The following ZNF223 variants were observed in gnomAD, a reference collection of about 807,000 sequenced individuals.
The protein encoded by ZNF223 is Homo sapiens zinc finger protein 223.
A neutral mutation model predicts 12.3 loss-of-function variants in ZNF223; 9 were observed. That is an observed-to-expected ratio of 0.73 (90% confidence interval 0.44 to 1.28). The LOEUF (loss-of-function observed/expected upper bound fraction) is 1.28. ZNF223 is among the 50% of genes most tolerant of loss of function. The pLI is 0.00. For synonymous variants in ZNF223, 171 were observed against 195.2 expected (o/e 0.88, Z 1.03); for missense variants, 506 against 579.0 (o/e 0.87, Z 1.29).
rs758726370 is a variant in ZNF223 at position 44,067,167 on chromosome 19, CA to C, written c.1346del (p.Asn449ThrfsTer21). The C allele has an allele frequency of 1.2e-6, 2 of 1,611,502 alleles. No individual in the cohort carries two copies. Among genetic ancestry groups the C allele is most frequent in the South Asian group, 1.1e-5 (1 of 90,370 alleles). On this transcript the variant is annotated frameshift_variant, in exon 5 of 5. Transcript: ENST00000434772. LOFTEE classifies it low-confidence loss of function (END_TRUNC). ...ATACCGGTCATACCGTAAAGACCAA[CA>C]AAAAAACCACAGTGGAGAAAATCCA... ...LVYRSYRKDQ[Q>X]KNHSGENPSK...
intron 4 of ZNF223, among the ~76,000 whole-genome samples, chr19:44,062,364 A>G (rs1002757999): frequency 2.0e-5 from 3 of 152,230 alleles, no homozygotes; most frequent in East Asian, 1.9e-4. Context: ...CCTACCTGTC[A>G]CTTCATTCAC....
At chr19:44,057,918 C>T (rs1347050720) in intron 2 of ZNF223, among the ~76,000 whole-genome samples, 4 of 152,248 alleles carry the variant, frequency 2.6e-5, no homozygotes, top group East Asian at 1.9e-4. Flanking sequence ...TGGCAGCAGG[C>T]GAGCCCAGAA....
intron 2 of ZNF223, among the ~76,000 whole-genome samples, chr19:44,057,791 T>C (rs1976788445): frequency 6.6e-6 from 1 of 152,212 alleles, no homozygotes; most frequent in South Asian, 2.1e-4. Flanking sequence ...TGCATAACTG[T>C]CTCAGGGTAC....
intron 4 of ZNF223, among the ~76,000 whole-genome samples, chr19:44,065,830 A>G (rs970455892): frequency 6.6e-6 from 1 of 152,134 alleles, no homozygotes; most frequent in African/African-American, 2.4e-5. Context: ...TGCCTGCCTC[A>G]GCTTCCCAAA....
chr19:44,066,770 A>G lies in ZNF223; in HGVS notation c.942A>G (p.Lys314=), dbSNP rs562944584. Residue 314 remains lysine, a synonymous_variant, in exon 5 of 5, where the codon AAA becomes AAG. Coordinates refer to ENST00000434772, the MANE Select transcript of ZNF223 (RefSeq NM_013361.6). ...ATTGTGTGGTCCACACAGGAAAGAA[A>G]CCAAACAGCACTGGGGAATATGGAA... ...NRHCVVHTGK[K]PNSTGEYGKG... 1 of 1,614,216 alleles carries G rather than the reference A, an allele frequency of 6.2e-7. No individual in the cohort carries two copies. Among genetic ancestry groups the G allele is most frequent in the Non-Finnish European group, 8.5e-7 (1 of 1,180,038 alleles).
At position 44,067,257 on chromosome 19, in the gene ZNF223, T is replaced by G. The variant is rs779705931; in HGVS notation, c.1429T>G (p.Leu477Val). 1.0e-5 allele frequency: 16 copies of G among 1,607,986 alleles called. No homozygotes were observed. Among genetic ancestry groups the G allele is most frequent in the Non-Finnish European group, 2.5e-6 (3 of 1,178,406 alleles). ...RRLNLDIILSLFLNDT is the reference protein window; with the variant it reads ...RRLNLDIILSVFLNDT ...CTTGAATCTTGATATAATTTTATCATTATTTTTAAATGACACGTAAGTGTT... is the reference window on the plus strand; with the variant it reads ...CTTGAATCTTGATATAATTTTATCAGTATTTTTAAATGACACGTAAGTGTT... Residue 477 changes from leucine to valine, a missense_variant, in exon 5 of 5, where the codon TTA becomes GTA. Physicochemically the swap from Leu to Val is conservative, Grantham distance 32. Transcript: ENST00000434772.
chr19:44,066,650 G>A lies in ZNF223; in HGVS notation c.822G>A (p.Gln274=). ...ACGRAFIHDF[Q]LQKHQRIHTG... ...GGAGGGCCTTCATTCATGATTTCCA[G>A]CTTCAGAAACATCAGAGAATTCACA... The change falls in exon 5 of 5, where the codon CAG becomes CAA. Residue 274 remains glutamine (Q), a synonymous_variant. Coordinates refer to ENST00000434772, the MANE Select transcript of ZNF223 (RefSeq NM_013361.6). The A allele has an allele frequency of 6.2e-7, 1 of 1,614,184 alleles. No homozygotes were observed.
intron 1 of ZNF223, among the ~76,000 whole-genome samples, chr19:44,052,657 T>G (rs1976717262): frequency 6.6e-6 from 1 of 152,188 alleles, no homozygotes; most frequent in African/African-American, 2.4e-5. Flanking sequence ...TTTTCCTGTT[T>G]GCTTTGTTGA....
chr19:44,052,260 G>T (rs11882281), intron 1 of ZNF223, 65 bp downstream of exon 1: 4,785 of 152,212 alleles, frequency 0.031, 243 homozygotes, highest in African/African-American at 0.11. Context: ...GGGGGGCTTT[G>T]CTCGCCTCCC....
In ZNF223 at chr19:44,067,469, A is replaced by T. The variant is rs1011440602; in HGVS notation, c.*192A>T. ...ATGATAGTCACCTTTAGTGCTGCAG[A>T]ACAGCAGAACTTCTTCCTCTTATCT... is the stretch of plus-strand genomic sequence containing the variant. On this transcript the variant is annotated 3_prime_UTR_variant, in exon 5 of 5. Coordinates refer to ENST00000434772, the MANE Select transcript of ZNF223 (RefSeq NM_013361.6). The T allele has an allele frequency of 1.4e-6, 1 of 736,418 alleles. No homozygotes were observed. Among genetic ancestry groups the T allele is most frequent in the African/African-American group, 1.7e-5 (1 of 57,840 alleles). 45.6% of individuals were successfully genotyped at this position (736,418 alleles called of 1,614,324 possible). A position where few individuals can be genotyped will look rare whatever the true frequency, so the allele number is the denominator to read the frequency against.
At chr19:44,063,754 C>A (rs1976871784) in intron 4 of ZNF223, among the ~76,000 whole-genome samples, 1 of 152,154 alleles carries the variant, frequency 6.6e-6, no homozygotes, top group Non-Finnish European at 1.5e-5. Flanking sequence ...TGTATCCTTG[C>A]CACTCAGCTG....
chr19:44,061,008 G>T (rs886298208), intron 4 of ZNF223, 167 bp downstream of exon 4: 5 of 630,272 alleles, frequency 7.9e-6, no homozygotes, highest in African/African-American at 5.5e-5. Context: ...TCTGACATCT[G>T]TTCTCCTCAT....
chr19:44,067,230 C>T lies in ZNF223; in HGVS notation c.1402C>T (p.Arg468Cys), dbSNP rs543355335. 24 of 1,607,268 alleles carry T rather than the reference C, an allele frequency of 1.5e-5. No homozygotes were observed. Among genetic ancestry groups the T allele is most frequent in the East Asian group, 1.3e-4 (6 of 44,868 alleles). ...CEDCGKRYKR[R>C]LNLDIILSLF... ...AGACTGTGGGAAGCGCTACAAGAGG[C>T]GCTTGAATCTTGATATAATTTTATC... The change falls in exon 5 of 5, where the codon CGC (arginine) becomes TGC (cysteine). Residue 468 changes from arginine to cysteine, a missense_variant. Transcript: ENST00000434772.
intron 2 of ZNF223, among the ~76,000 whole-genome samples, chr19:44,056,606 T>TTTC (rs1428228836): frequency 9.1e-6 from 1 of 110,228 alleles, no homozygotes; most frequent in Non-Finnish European, 1.8e-5. Flanking sequence ...TTTTTTTTTT[T>TTTC]TTTTTGAGAT....
intron 4 of ZNF223, among the ~76,000 whole-genome samples, 158 bp from the exon 5 acceptor site, chr19:44,065,906 G>A (rs904998997): frequency 3.9e-5 from 6 of 152,118 alleles, no homozygotes; most frequent in Non-Finnish European, 7.4e-5. Flanking sequence ...ACATGGTATG[G>A]TTTTAGATTA....
At chr19:44,058,782 G>C (rs577011824) in intron 2 of ZNF223, among the ~76,000 whole-genome samples, 23 of 152,312 alleles carry the variant, frequency 1.5e-4, no homozygotes, top group African/African-American at 5.1e-4. Context: ...CCTATGGCAG[G>C]TGTCTCATCA....
chr19:44,057,278 GATA>G (rs1245816057), intron 2 of ZNF223, among the ~76,000 whole-genome samples: 3 of 151,908 alleles, frequency 2.0e-5, no homozygotes, highest in African/African-American at 7.2e-5. Context: ...ATTATATAAT[GATA>G]ATATTAAATG....
rs1427750135 is a variant in ZNF223 at position 44,061,049 on chromosome 19, G to A, written c.235+208G>A. The A allele has an allele frequency of 7.9e-6, 4 of 508,194 alleles. No homozygotes were observed. In the Admixed American group the frequency reaches 1.0e-4, roughly 13 times the overall value. 31.5% of individuals were successfully genotyped at this position (508,194 alleles called of 1,614,324 possible). On this transcript the variant is annotated intron_variant, in intron 4 of 4. Coordinates refer to ENST00000434772, the MANE Select transcript of ZNF223 (RefSeq NM_013361.6). ...CTAAAGTGATCCTTAGGACATGGAT[G>A]TCAGATTGTCATTCCTCAGCTTAAG...
chr19:44,062,617 C>G (rs1976856454), intron 4 of ZNF223, among the ~76,000 whole-genome samples: 1 of 151,864 alleles, frequency 6.6e-6, no homozygotes, highest in Non-Finnish European at 1.5e-5. Context: ...GTGCAGTTGA[C>G]CCATGTCCTG....
Sources: allele counts gnomAD v4.1 joint callset (sites outside exome capture counted in the v4.1 genomes callset), GRCh38; gene constraint gnomAD v4.1.1; transcripts MANE v1.5; gene names NCBI Gene and HGNC (gene_info 2026-07-23, HGNC 2026-07-21).